The following GXYLT2 variants were observed in gnomAD, a reference collection of about 807,000 sequenced individuals.
GXYLT2 encodes glucoside xylosyltransferase 2.
GXYLT2 carries 53 observed loss-of-function variants against 45.8 expected under a neutral mutation model. That is an observed-to-expected ratio of 1.16 (90% CI 0.93 to 1.46). The LOEUF (loss-of-function observed/expected upper bound fraction) is 1.46. GXYLT2 is among the 40% of genes most tolerant of loss of function. The probability of loss-of-function intolerance (pLI) is 0.00; values close to 1 mark genes in which losing one functional copy is unlikely to be tolerated. For synonymous variants in GXYLT2, 219 were observed against 214.2 expected, an observed-to-expected ratio of 1.02 and a Z score of -0.19; for missense variants, 551 against 544.4, an observed-to-expected ratio of 1.01 and a Z score of -0.12.
intron 3 of GXYLT2, among the ~76,000 whole-genome samples, chr3:72,937,927 G>T (rs868713934): frequency 6.6e-6 from 1 of 151,482 alleles, no homozygotes; most frequent in Admixed American, 6.6e-5. Context: ...TTATTTTTTC[G>T]CTTTTCTCAG....
In GXYLT2 at chr3:72,971,034, A is replaced by G. The variant is rs1195433064; in HGVS notation, c.1149+3315A>G. Among the ~76,000 whole-genome samples, 3 of 152,316 alleles carry G rather than the reference A, an allele frequency of 2.0e-5. No individual in the cohort carries two copies. The East Asian group carries it at 5.8e-4, about 29-fold the overall frequency. On this transcript the variant is annotated intron_variant, in intron 6 of 6. Transcript: ENST00000389617. ...ATGATATCCTCACATTTAAATATTC[A>G]AACACTGACTCCAGGGGCAAACTCA...
intron 1 of GXYLT2, among the ~76,000 whole-genome samples, chr3:72,899,315 G>A (rs1278427043): frequency 6.6e-6 from 1 of 152,136 alleles, no homozygotes; most frequent in Non-Finnish European, 1.5e-5. Context: ...AGCTAAATAT[G>A]TACTATTAAT....
intron 2 of GXYLT2, among the ~76,000 whole-genome samples, chr3:72,914,997 A>G (rs1233834991): frequency 1.3e-5 from 2 of 152,124 alleles, no homozygotes; most frequent in African/African-American, 4.8e-5. Context: ...TACTAAAAAT[A>G]CAAAAATTAG....
chr3:72,929,248 A>C lies in GXYLT2; in HGVS notation c.600+6913A>C, dbSNP rs1709979047. The C allele has an allele frequency of 2.6e-6, 4 of 1,529,428 alleles. No homozygotes were observed. The South Asian group carries it at 4.5e-5, about 17-fold the overall frequency. The allele number at this position is 1,529,428 out of a possible 1,614,324, so 94.7% of individuals were successfully genotyped here. A position where few individuals can be genotyped will look rare whatever the true frequency, so the allele number is the denominator to read the frequency against. ...ATGAGGAGAGGGAACATGCCGAGAA[A>C]CTGATGACGTTGCAGAACCAACGAG... On this transcript the variant is annotated intron_variant, in intron 3 of 6. Coordinates refer to ENST00000389617, the MANE Select transcript of GXYLT2 (RefSeq NM_001080393.2).
chr3:72,974,916 T>G (rs1711063051), intron 6 of GXYLT2, 61 bp from the exon 7 acceptor site: 1 of 1,229,530 alleles, frequency 8.1e-7, no homozygotes, highest in Non-Finnish European at 1.2e-6. Flanking sequence ...TTAGTAAAAA[T>G]GATCTGCATT....
intron 1 of GXYLT2, among the ~76,000 whole-genome samples, chr3:72,895,817 GA>G (rs1377452624): frequency 6.6e-6 from 1 of 152,178 alleles, no homozygotes; most frequent in Non-Finnish European, 1.5e-5. Context: ...TTTTGTGCCA[GA>G]AAAGAGTAAC....
chr3:72,940,996 A>G (rs1276298087), intron 3 of GXYLT2, among the ~76,000 whole-genome samples: 1 of 152,200 alleles, frequency 6.6e-6, no homozygotes, highest in Non-Finnish European at 1.5e-5. Context: ...TAAAAATAGT[A>G]AACCAGTAAG....
intron 5 of GXYLT2, among the ~76,000 whole-genome samples, chr3:72,959,040 T>C (rs1183788227): frequency 6.8e-6 from 1 of 147,504 alleles, no homozygotes; most frequent in Non-Finnish European, 1.5e-5. Context: ...CCTCCTGGGC[T>C]CAAGTGATCC....
intron 6 of GXYLT2, among the ~76,000 whole-genome samples, chr3:72,968,394 C>T (rs1399181308): frequency 6.6e-6 from 1 of 152,162 alleles, no homozygotes; most frequent in East Asian, 1.9e-4. Flanking sequence ...AAATACGTTG[C>T]CTGGTTGCCA....
In GXYLT2 at chr3:72,975,384, CTA is replaced by C. The variant is rs1481116030; in HGVS notation, c.*227_*228del. The C allele has an allele frequency of 2.6e-6, 1 of 379,312 alleles. No individual in the cohort carries two copies. The highest frequency in any genetic ancestry group is 2.2e-5 in the African/African-American group (1 of 46,118). The allele number at this position is 379,312 out of a possible 1,614,324, so 23.5% of individuals were successfully genotyped here. A position where few individuals can be genotyped will look rare whatever the true frequency, so the allele number is the denominator to read the frequency against. Reference sequence around the variant, plus strand: ...TATCTCTAAGGAAAAAAAAAAAAGACTATTACTCATTTAACATTGTTTAAGCA... The same window carrying C: ...TATCTCTAAGGAAAAAAAAAAAAGACTTACTCATTTAACATTGTTTAAGCA... On this transcript the variant is annotated 3_prime_UTR_variant, in exon 7 of 7. Transcript: ENST00000389617.
At chr3:72,890,858 C>T (rs886464001) in intron 1 of GXYLT2, among the ~76,000 whole-genome samples, 12 of 152,032 alleles carry the variant, frequency 7.9e-5, no homozygotes, top group Admixed American at 1.3e-4. Context: ...TGGCCAACAC[C>T]ATAGGAATAC....
At chr3:72,974,796 G>A (rs1242483029) in intron 6 of GXYLT2, among the ~76,000 whole-genome samples, 181 bp from the exon 7 acceptor site, 2 of 152,070 alleles carry the variant, frequency 1.3e-5, no homozygotes, top group Non-Finnish European at 2.9e-5. Context: ...GAGTTTAAAT[G>A]ATTACCTGGG....
At chr3:72,902,662 C>A (rs1156451883) in intron 1 of GXYLT2, among the ~76,000 whole-genome samples, 1 of 152,030 alleles carries the variant, frequency 6.6e-6, no homozygotes, top group Non-Finnish European at 1.5e-5. Flanking sequence ...GAGATCCCAT[C>A]TCTACCAAAA....
rs1040901033 is a variant in GXYLT2, at chr3:72,892,131, T to C, written c.275+3623T>C. ...CACCTTATTTTCTTCATCTGTGAAA[T>C]GAGCAAGTTAATCCAAAAGTTGTCT... On this transcript the variant is annotated intron_variant, in intron 1 of 6. Coordinates refer to ENST00000389617, the MANE Select transcript of GXYLT2 (RefSeq NM_001080393.2). 3.3e-5 allele frequency among the ~76,000 whole-genome samples: 5 copies of C among 152,238 alleles called. No homozygotes were observed. The East Asian group carries it at 9.6e-4, about 29-fold the overall frequency.
chr3:72,943,687 T>G (rs1444737921), intron 3 of GXYLT2, among the ~76,000 whole-genome samples: 1 of 152,032 alleles, frequency 6.6e-6, no homozygotes, highest in Non-Finnish European at 1.5e-5. Flanking sequence ...CTTTTTCCTG[T>G]TCTTTATTAT....
At chr3:72,973,355 A>G (rs1711033897) in intron 6 of GXYLT2, among the ~76,000 whole-genome samples, 2 of 152,176 alleles carry the variant, frequency 1.3e-5, no homozygotes, top group African/African-American at 2.4e-5. Context: ...TGTGCTGGAA[A>G]GACAGGAATG....
chr3:72,951,485 T>TATGTGCCAGCCACTG (rs1710524395), intron 3 of GXYLT2, among the ~76,000 whole-genome samples: 1 of 152,204 alleles, frequency 6.6e-6, no homozygotes, highest in Non-Finnish European at 1.5e-5. Flanking sequence ...TACTGAGTAC[T>TATGTGCCAGCCACTG]TCGTGGGTTT....
chr3:72,953,529 A>G (rs1710565946), intron 3 of GXYLT2, among the ~76,000 whole-genome samples: 1 of 152,138 alleles, frequency 6.6e-6, no homozygotes, highest in African/African-American at 2.4e-5. Context: ...GGCTCAAGCT[A>G]TCTGCCTGCC....
At chr3:72,925,988 A>T (rs1449220526) in intron 3 of GXYLT2, among the ~76,000 whole-genome samples, 1 of 152,178 alleles carries the variant, frequency 6.6e-6, no homozygotes, top group Non-Finnish European at 1.5e-5. Context: ...CATCAGTGAG[A>T]TGTATTGATC....
Sources: gnomAD v4.1 joint callset for allele counts (sites outside exome capture counted in the v4.1 genomes callset) on GRCh38, gnomAD v4.1.1 for gene constraint, MANE v1.5 for transcripts, NCBI Gene and HGNC (gene_info 2026-07-23, HGNC 2026-07-21) for gene names.